SLC24A3: variants seen among roughly 807,000 people sequenced by gnomAD.
SLC24A3 encodes the protein sodium/potassium/calcium exchanger 3.
A neutral mutation model predicts 75.8 loss-of-function variants in SLC24A3; 28 were observed. The observed-to-expected ratio is 0.37, with a 90% CI of 0.27 to 0.51. The LOEUF (loss-of-function observed/expected upper bound fraction) is 0.51, where lower values mean the gene tolerates loss of function less well. Among genes scored for constraint, SLC24A3 ranks in the 20% least tolerant of loss-of-function variants. The pLI is 0.94. For missense variants in SLC24A3, 663 were observed against 847.8 expected (o/e 0.78, Z 2.71); for synonymous variants, 372 against 334.1 (o/e 1.11, Z -1.24).
At chr20:19,699,312 T>C (rs888535494) in intron 15 of SLC24A3, among the ~76,000 whole-genome samples, 7 of 152,216 alleles carry the variant, frequency 4.6e-5, no homozygotes, top group African/African-American at 1.4e-4. Flanking sequence ...GGCAACGCCC[T>C]GGCGGGGAGA....
intron 7 of SLC24A3, 63 bp downstream of exon 7, chr20:19,654,199 G>C: frequency 6.7e-7 from 1 of 1,492,642 alleles, no homozygotes. Context: ...GGTGGTGTGA[G>C]GCTCCTCCAC....
At chr20:19,639,382 G>A (rs1242947361) in intron 6 of SLC24A3, among the ~76,000 whole-genome samples, 2 of 152,126 alleles carry the variant, frequency 1.3e-5, no homozygotes, top group Non-Finnish European at 2.9e-5. Flanking sequence ...GGCCCCACAA[G>A]AGTAGCTAGA....
intron 2 of SLC24A3, among the ~76,000 whole-genome samples, chr20:19,366,211 A>G (rs570690342): frequency 4.5e-4 from 68 of 152,278 alleles, no homozygotes; most frequent in African/African-American, 1.5e-3. Context: ...CTGATTTTTA[A>G]TGGTGAAGAT....
intron 2 of SLC24A3, among the ~76,000 whole-genome samples, chr20:19,476,028 A>C (rs1987957426): frequency 6.6e-6 from 1 of 152,216 alleles, no homozygotes; most frequent in Non-Finnish European, 1.5e-5. Flanking sequence ...AGCATGTGGG[A>C]AAATAGGCAA....
chr20:19,711,251 G>GCA (rs1158904774), intron 15 of SLC24A3, among the ~76,000 whole-genome samples: 1 of 141,272 alleles, frequency 7.1e-6, no homozygotes, highest in Non-Finnish European at 1.5e-5. Flanking sequence ...AGGCAAATGT[G>GCA]CACACACACA....
chr20:19,662,229 AACAGGGC>A (rs1487220212), intron 7 of SLC24A3, among the ~76,000 whole-genome samples: 1 of 152,154 alleles, frequency 6.6e-6, no homozygotes, highest in African/African-American at 2.4e-5. Flanking sequence ...AAACAGAACC[AACAGGGC>A]ACAGAGAGAA....
intron 13 of SLC24A3, 85 bp from the exon 14 acceptor site, chr20:19,696,712 C>T (rs113920890): frequency 9.2e-6 from 8 of 872,896 alleles, no homozygotes; most frequent in African/African-American, 3.3e-5. Flanking sequence ...AGACCATAGC[C>T]TGTTGTGAGT....
intron 9 of SLC24A3, among the ~76,000 whole-genome samples, chr20:19,674,874 G>A (rs1296757382): frequency 1.3e-5 from 2 of 152,080 alleles, no homozygotes; most frequent in Admixed American, 6.6e-5. Context: ...CCAACATGGT[G>A]AAACCCCATC....
At chr20:19,661,139 A>G (rs917887416) in intron 7 of SLC24A3, among the ~76,000 whole-genome samples, 6 of 152,162 alleles carry the variant, frequency 3.9e-5, no homozygotes, top group Admixed American at 1.3e-4. Context: ...CCCAGCAAAC[A>G]TAGTCCTTTC....
intron 2 of SLC24A3, among the ~76,000 whole-genome samples, chr20:19,316,619 G>A (rs979370): frequency 0.09 from 13,663 of 152,132 alleles, 1,956 homozygotes; most frequent in African/African-American, 0.31. Context: ...ACACCAAGTC[G>A]TGCCGACTCC....
At chr20:19,458,384 G>T (rs1019344160) in intron 2 of SLC24A3, among the ~76,000 whole-genome samples, 1 of 152,132 alleles carries the variant, frequency 6.6e-6, no homozygotes, top group Non-Finnish European at 1.5e-5. Flanking sequence ...TACAAAATTT[G>T]CCGTCTTAAC....
intron 2 of SLC24A3, among the ~76,000 whole-genome samples, chr20:19,306,113 A>G (rs1168836413): frequency 2.6e-5 from 4 of 152,248 alleles, no homozygotes; most frequent in Admixed American, 6.5e-5. Context: ...GCCAACAAAT[A>G]TATGAAAAAG....
chr20:19,335,891 T>A (rs1356664576), intron 2 of SLC24A3, among the ~76,000 whole-genome samples: 5 of 152,200 alleles, frequency 3.3e-5, no homozygotes, highest in Non-Finnish European at 7.3e-5. Context: ...GCCATCTTTC[T>A]CCCTTATTTT....
intron 1 of SLC24A3, among the ~76,000 whole-genome samples, chr20:19,239,672 A>C (rs1452948271): frequency 1.3e-5 from 2 of 152,230 alleles, no homozygotes; most frequent in African/African-American, 4.8e-5. Flanking sequence ...GTGTCATATT[A>C]GCAGGTAACC....
At chr20:19,218,819 T>C (rs1981631698) in intron 1 of SLC24A3, among the ~76,000 whole-genome samples, 1 of 152,106 alleles carries the variant, frequency 6.6e-6, no homozygotes, top group East Asian at 1.9e-4. Context: ...GCAATTTTCT[T>C]TTTCTGTATG....
chr20:19,415,417 A>AC (rs1986810151), intron 2 of SLC24A3, among the ~76,000 whole-genome samples: 1 of 152,078 alleles, frequency 6.6e-6, no homozygotes, highest in African/African-American at 2.4e-5. Flanking sequence ...TTTATTACAA[A>AC]CCCTCAAGTC....
intron 2 of SLC24A3, among the ~76,000 whole-genome samples, chr20:19,472,791 G>T (rs1359274482): frequency 6.6e-6 from 1 of 152,196 alleles, no homozygotes. Context: ...AGTGAGTGGG[G>T]TAGGAAGAGA....
intron 2 of SLC24A3, among the ~76,000 whole-genome samples, chr20:19,455,755 C>CA (rs2122488510): frequency 6.6e-6 from 1 of 152,364 alleles, no homozygotes; most frequent in African/African-American, 2.4e-5. Context: ...CTCACTTCCT[C>CA]ACTCCCTTAC....
intron 6 of SLC24A3, among the ~76,000 whole-genome samples, chr20:19,605,706 C>G (rs1273068398): frequency 5.9e-5 from 9 of 152,190 alleles, no homozygotes; most frequent in Non-Finnish European, 1.2e-4. Flanking sequence ...AAGTCACAAC[C>G]ACTGCATTTT....
Sources: gnomAD v4.1 joint callset for allele counts (sites outside exome capture counted in the v4.1 genomes callset) on GRCh38, gnomAD v4.1.1 for gene constraint, MANE v1.5 for transcripts, NCBI Gene and HGNC (gene_info 2026-07-23, HGNC 2026-07-21) for gene names.